SNTG2: variants seen among roughly 807,000 people sequenced by gnomAD.
SNTG2 encodes syntrophin gamma 2.
SNTG2 carries 74 observed loss-of-function variants against 70.9 expected under a neutral mutation model. The ratio of observed to expected loss-of-function variants is 1.04; its 90% CI spans 0.86 to 1.27. The LOEUF is 1.27. Among genes scored for constraint, SNTG2 ranks in the 50% most tolerant of loss-of-function variants. The probability of loss-of-function intolerance (pLI) is 0.00; values close to 1 mark genes in which losing one functional copy is unlikely to be tolerated. For synonymous variants in SNTG2, 278 were observed against 273.8 expected, an observed-to-expected ratio of 1.02 and a Z score of -0.15; for missense variants, 717 against 690.7, an observed-to-expected ratio of 1.04 and a Z score of -0.43.
chr2:1,329,183 T>C (rs1681886443), intron 16 of SNTG2, among the ~76,000 whole-genome samples: 1 of 152,132 alleles, frequency 6.6e-6, no homozygotes, highest in African/African-American at 2.4e-5. Flanking sequence ...TTTAAAGCTG[T>C]TTGTCTTTGG....
chr2:960,330 C>T (rs1253737071), intron 1 of SNTG2, among the ~76,000 whole-genome samples: 6 of 152,208 alleles, frequency 3.9e-5, no homozygotes, highest in African/African-American at 7.2e-5. Flanking sequence ...ACAGTTCTCC[C>T]GAGAGCTCGG....
intron 6 of SNTG2, among the ~76,000 whole-genome samples, chr2:1,162,787 G>A (rs941870683): frequency 1.3e-5 from 2 of 151,984 alleles, no homozygotes; most frequent in African/African-American, 4.8e-5. Flanking sequence ...TGCGGGGGGA[G>A]GATAGAATCA....
rs540412892 is a variant in SNTG2 at position 1,245,012 on chromosome 2, A to G, written c.889-2315A>G. 5.9e-5 allele frequency among the ~76,000 whole-genome samples: 9 copies of G among 151,796 alleles called. No homozygotes were observed. The South Asian group carries it at 6.2e-4, about 11-fold the overall frequency. The stretch of plus-strand genomic sequence containing the variant: ...TGGAAATCAACATTCTCAGTAAACT[A>G]TCGCAAGGACAAAAAACCAAACACC... On this transcript the variant is annotated intron_variant, in intron 11 of 16. Coordinates refer to ENST00000308624, the MANE Select transcript of SNTG2 (RefSeq NM_018968.4).
chr2:1,187,360 G>C (rs936401787), intron 8 of SNTG2, among the ~76,000 whole-genome samples: 1 of 152,114 alleles, frequency 6.6e-6, no homozygotes, highest in African/African-American at 2.4e-5. Flanking sequence ...TCCCTAATCT[G>C]GGTGGGCCTC....
At chr2:1,302,174 T>A (rs1371715065) in intron 14 of SNTG2, among the ~76,000 whole-genome samples, 1 of 152,078 alleles carries the variant, frequency 6.6e-6, no homozygotes, top group Non-Finnish European at 1.5e-5. Flanking sequence ...TTAGCCAGGC[T>A]GGTCTCGATC....
At chr2:958,173 C>T (rs1386295333) in intron 1 of SNTG2, among the ~76,000 whole-genome samples, 7 of 152,134 alleles carry the variant, frequency 4.6e-5, no homozygotes, top group South Asian at 4.1e-4. Flanking sequence ...AGCCCCTGGG[C>T]GTCTGACTGT....
At chr2:1,039,895 G>C (rs1661336398) in intron 1 of SNTG2, among the ~76,000 whole-genome samples, 1 of 152,132 alleles carries the variant, frequency 6.6e-6, no homozygotes, top group African/African-American at 2.4e-5. Flanking sequence ...CAGGAGGCTG[G>C]CGGCTGTCCT....
At chr2:1,041,417 A>G (rs114594490) in intron 1 of SNTG2, among the ~76,000 whole-genome samples, 2,034 of 152,228 alleles carry the variant, frequency 0.013, 14 homozygotes, top group Non-Finnish European at 0.022. Flanking sequence ...TGTATAATCA[A>G]TTGCCTCAGT....
chr2:1,364,889 G>A (rs913861494), intron 16 of SNTG2, among the ~76,000 whole-genome samples: 13 of 152,044 alleles, frequency 8.6e-5, no homozygotes, highest in African/African-American at 2.2e-4. Context: ...CAGCCTGGGC[G>A]ACAGAGTGAG....
At chr2:1,006,982 T>C (rs1464098892) in intron 1 of SNTG2, among the ~76,000 whole-genome samples, 2 of 152,054 alleles carry the variant, frequency 1.3e-5, no homozygotes, top group African/African-American at 4.8e-5. Flanking sequence ...TGAGCCGAGA[T>C]TGTGCCACTG....
chr2:1,222,115 GTCTCTCTCTGTCTC>G (rs1558553637), intron 9 of SNTG2, among the ~76,000 whole-genome samples: 5 of 22,074 alleles, frequency 2.3e-4, no homozygotes, highest in African/African-American at 5.2e-4. Flanking sequence ...GTCTCTCTCT[GTCTCTCTCTGTCTC>G]TCTCTGTCTC....
chr2:1,185,162 A>G (rs1672169130), intron 8 of SNTG2, among the ~76,000 whole-genome samples: 1 of 152,192 alleles, frequency 6.6e-6, no homozygotes. Flanking sequence ...TTTTGACTCC[A>G]TGTCTCACAT....
At chr2:1,339,093 G>A (rs537835947) in intron 16 of SNTG2, among the ~76,000 whole-genome samples, 1 of 152,264 alleles carries the variant, frequency 6.6e-6, no homozygotes, top group South Asian at 2.1e-4. Context: ...TGAGGGTTTT[G>A]TTTGTTTGCA....
At chr2:1,221,989 GTCTCTGTCTCTGTC>G (rs1644033183) in intron 9 of SNTG2, among the ~76,000 whole-genome samples, 1 of 2,492 alleles carries the variant, frequency 4.0e-4, no homozygotes, top group Non-Finnish European at 9.2e-4. Flanking sequence ...GTCTCTCTCT[GTCTCTGTCTCTGTC>G]TCTCTCTGTC....
chr2:1,291,893 T>G (rs1680007548), intron 14 of SNTG2, among the ~76,000 whole-genome samples: 1 of 152,190 alleles, frequency 6.6e-6, no homozygotes, highest in African/African-American at 2.4e-5. Flanking sequence ...ATTTTGATAA[T>G]GACTGCATTG....
chr2:1,007,263 C>G (rs1182589035), intron 1 of SNTG2, among the ~76,000 whole-genome samples: 2 of 152,178 alleles, frequency 1.3e-5, no homozygotes, highest in African/African-American at 2.4e-5. Context: ...GACCTGAGTT[C>G]TATGTTTTGG....
intron 8 of SNTG2, among the ~76,000 whole-genome samples, chr2:1,197,109 C>A (rs1672955910): frequency 6.6e-6 from 1 of 152,124 alleles, no homozygotes; most frequent in African/African-American, 2.4e-5. Flanking sequence ...AATAAGTCCT[C>A]ACCTATCAAT....
At chr2:1,138,266 A>G (rs781676261) in intron 6 of SNTG2, among the ~76,000 whole-genome samples, 5 of 152,194 alleles carry the variant, frequency 3.3e-5, no homozygotes, top group Non-Finnish European at 7.3e-5. Context: ...TGTGCCGTGG[A>G]GGACACCAGG....
At chr2:1,031,332 C>T (rs1413432439) in intron 1 of SNTG2, among the ~76,000 whole-genome samples, 1 of 151,456 alleles carries the variant, frequency 6.6e-6, no homozygotes, top group Non-Finnish European at 1.5e-5. Context: ...GCTCCCATTT[C>T]CTCCCCTCTC....
Sources: gnomAD v4.1 joint callset for allele counts (sites outside exome capture counted in the v4.1 genomes callset) on GRCh38, gnomAD v4.1.1 for gene constraint, MANE v1.5 for transcripts, NCBI Gene and HGNC (gene_info 2026-07-23, HGNC 2026-07-21) for gene names.